The following PSMD1 variants were observed in gnomAD, a reference collection of about 807,000 sequenced individuals.
The protein encoded by PSMD1 is 26S proteasome non-ATPase regulatory subunit 1.
In PSMD1, 18 loss-of-function variants were observed where a neutral mutation model predicts 119.0. The observed-to-expected ratio is 0.15, with a 90% confidence interval of 0.10 to 0.22. The LOEUF is 0.22. Among genes scored for constraint, PSMD1 ranks in the 10% least tolerant of loss-of-function variants. The pLI, the probability that PSMD1 is intolerant of heterozygous loss-of-function variation, is 1.00. For synonymous variants in PSMD1, 374 were observed against 396.6 expected (o/e 0.94, Z 0.68); for missense variants, 702 against 1,158.5 (o/e 0.61, Z 5.72).
At chr2:231,086,811 T>C (rs1694460351) in intron 15 of PSMD1, among the ~76,000 whole-genome samples, 1 of 151,852 alleles carries the variant, frequency 6.6e-6, no homozygotes, top group Admixed American at 6.6e-5. Flanking sequence ...GTGCAGTGGC[T>C]TATGCCTGTA....
intron 16 of PSMD1, among the ~76,000 whole-genome samples, chr2:231,097,575 C>T (rs1694756550): frequency 6.6e-6 from 1 of 152,160 alleles, no homozygotes; most frequent in Non-Finnish European, 1.5e-5. Flanking sequence ...CCTTTAACAG[C>T]ATCTCTAGTG....
At chr2:231,106,089 A>G (rs1369430697) in intron 16 of PSMD1, among the ~76,000 whole-genome samples, 1 of 149,836 alleles carries the variant, frequency 6.7e-6, no homozygotes, top group Non-Finnish European at 1.5e-5. Flanking sequence ...TAAGACTATT[A>G]ACTGGAGTTC....
intron 16 of PSMD1, chr2:231,113,781 G>A (rs573308584): frequency 1.8e-5 from 29 of 1,614,150 alleles, no homozygotes; most frequent in Middle Eastern, 3.3e-4. Flanking sequence ...TAGCCCGTGA[G>A]TTATATTGAT....
intron 24 of PSMD1, among the ~76,000 whole-genome samples, chr2:231,171,492 T>C (rs915369262): frequency 6.6e-6 from 1 of 152,162 alleles, no homozygotes; most frequent in African/African-American, 2.4e-5. Flanking sequence ...TTGAAGACAT[T>C]GTGAGACATA....
intron 15 of PSMD1, among the ~76,000 whole-genome samples, chr2:231,085,447 G>T (rs1014942048): frequency 2.6e-5 from 4 of 152,226 alleles, no homozygotes; most frequent in African/African-American, 7.2e-5. Context: ...GAGAAATTCA[G>T]TGAAGAACAG....
chr2:231,161,607 A>G (rs1283144339), intron 20 of PSMD1, 98 bp downstream of exon 20: 3 of 1,226,966 alleles, frequency 2.4e-6, no homozygotes, highest in South Asian at 3.0e-5. Flanking sequence ...AATTTTAAAG[A>G]TGAGTTAACA....
intron 16 of PSMD1, among the ~76,000 whole-genome samples, chr2:231,101,806 C>A (rs886263142): frequency 6.6e-6 from 1 of 152,110 alleles, no homozygotes; most frequent in African/African-American, 2.4e-5. Context: ...CACTTTTTAG[C>A]TATAAAGGTT....
chr2:231,162,683 C>T (rs1261061591), intron 20 of PSMD1, among the ~76,000 whole-genome samples: 1 of 151,904 alleles, frequency 6.6e-6, no homozygotes, highest in Non-Finnish European at 1.5e-5. Flanking sequence ...AAATTCAGGC[C>T]GGGTGTGGTT....
chr2:231,161,237 T>TAAA, intron 19 of PSMD1, 103 bp from the exon 20 acceptor site: 1 of 1,121,088 alleles, frequency 8.9e-7, no homozygotes, highest in South Asian at 1.6e-5. Flanking sequence ...CCCTATCTCT[T>TAAA]TAAAAAAAAA....
chr2:231,069,058 G>A (rs1298661753), intron 5 of PSMD1, among the ~76,000 whole-genome samples: 5 of 152,164 alleles, frequency 3.3e-5, no homozygotes, highest in African/African-American at 1.2e-4. Context: ...TCAGATAAAG[G>A]AGCACCTACT....
chr2:231,057,871 G>A (rs1485940072), intron 1 of PSMD1, among the ~76,000 whole-genome samples: 1 of 152,214 alleles, frequency 6.6e-6, no homozygotes, highest in African/African-American at 2.4e-5. Context: ...GAGCCTTGGT[G>A]CTTTTTTCCG....
At chr2:231,071,088 A>T (rs1366235909) in intron 6 of PSMD1, among the ~76,000 whole-genome samples, 12 of 152,070 alleles carry the variant, frequency 7.9e-5, no homozygotes, top group Admixed American at 7.9e-4. Context: ...TTAGTATTTA[A>T]TAGTGTATTT....
intron 16 of PSMD1, among the ~76,000 whole-genome samples, chr2:231,136,300 T>G (rs1695963110): frequency 6.6e-6 from 1 of 152,212 alleles, no homozygotes; most frequent in South Asian, 2.1e-4. Flanking sequence ...ATGAAGGTCT[T>G]GAAACAGCCT....
chr2:231,138,703 A>T, intron 16 of PSMD1, 33 bp from the exon 17 acceptor site: 2 of 1,501,342 alleles, frequency 1.3e-6, no homozygotes, highest in Non-Finnish European at 1.9e-6. Context: ...TAGATTACCT[A>T]TAACAGTGGC....
intron 16 of PSMD1, among the ~76,000 whole-genome samples, chr2:231,130,224 G>C (rs1308865025): frequency 6.6e-6 from 1 of 152,206 alleles, no homozygotes; most frequent in Non-Finnish European, 1.5e-5. Context: ...CTCTGTCGTT[G>C]AGTACACATG....
intron 16 of PSMD1, among the ~76,000 whole-genome samples, chr2:231,126,287 A>G (rs1244387375): frequency 6.6e-6 from 1 of 152,026 alleles, no homozygotes; most frequent in Non-Finnish European, 1.5e-5. Context: ...CCGTAGTCCC[A>G]GCTACTGGGC....
intron 21 of PSMD1, 87 bp from the exon 22 acceptor site, chr2:231,165,113 A>G (rs1696746794): frequency 9.6e-6 from 5 of 518,416 alleles, no homozygotes; most frequent in South Asian, 4.9e-5. Flanking sequence ...AGGAAATAGA[A>G]TAGTGTTGTA....
At position 231,146,300 on chromosome 2, in the gene PSMD1, G is replaced by A. The variant is rs539808432; in HGVS notation, c.2059G>A (p.Ala687Thr). 1 of 1,613,754 alleles carries A rather than the reference G, an allele frequency of 6.2e-7. No individual in the cohort carries two copies. The highest frequency in any genetic ancestry group is 1.3e-5 in the African/African-American group (1 of 74,896). ...CCCCGTGAACTACGTGAGGCAAGGG[G>A]CACTCATAGCTTCAGCTCTCATCAT... ...NDPVNYVRQGALIASALIMIQ... is the reference protein window; with the variant it reads ...NDPVNYVRQGTLIASALIMIQ... Residue 687 changes from alanine (A) to threonine (T), a missense_variant, in exon 18 of 25, where the codon GCA becomes ACA. By Grantham distance (58) the Ala-to-Thr change is moderately conservative. Transcript: ENST00000308696.
At chr2:231,078,162 C>T (rs765858596) in intron 9 of PSMD1, among the ~76,000 whole-genome samples, 3 of 152,020 alleles carry the variant, frequency 2.0e-5, no homozygotes, top group Admixed American at 6.6e-5. Context: ...CAGCTACTCG[C>T]GAGACTGAGG....
Sources: gnomAD v4.1 joint callset for allele counts (sites outside exome capture counted in the v4.1 genomes callset) on GRCh38, gnomAD v4.1.1 for gene constraint, MANE v1.5 for transcripts, NCBI Gene and HGNC (gene_info 2026-07-23, HGNC 2026-07-21) for gene names.